WDFY4: variants seen among roughly 807,000 people sequenced by gnomAD.
The protein encoded by WDFY4 is WD repeat- and FYVE domain-containing protein 4.
WDFY4 carries 169 observed loss-of-function variants against 351.9 expected under a neutral mutation model. The observed-to-expected ratio is 0.48, with a 90% CI of 0.42 to 0.55. The LOEUF is 0.55. Ranked by LOEUF, WDFY4 falls within the 20% of genes least tolerant of loss-of-function variation. The probability of loss-of-function intolerance (pLI) is 0.00; values close to 1 mark genes in which losing one functional copy is unlikely to be tolerated. For synonymous variants in WDFY4, 1,622 were observed against 1,574.6 expected, an observed-to-expected ratio of 1.03 and a Z score of -0.71; for missense variants, 3,803 against 3,935.6, an observed-to-expected ratio of 0.97 and a Z score of 0.90.
chr10:48,743,122 T>C lies in WDFY4; in HGVS notation c.2033T>C (p.Leu678Pro). 1.9e-6 allele frequency: 3 copies of C among 1,551,724 alleles called. No homozygotes were observed. Among genetic ancestry groups the C allele is most frequent in the Non-Finnish European group, 2.6e-6 (3 of 1,146,994 alleles). Residue 678 changes from leucine (L) to proline (P), a missense_variant, in exon 12 of 62, where the codon CTG becomes CCG. By Grantham distance (98) the Leu-to-Pro change is moderately conservative (BLOSUM62 -3). This residue lies in a region of WDFY4 where 3,054 missense variants were observed against 3,148.6 expected (regional missense o/e 0.97). Transcript: ENST00000325239. ...AWGAVSPRQTLELVLYTLCAV... is the reference protein window; with the variant it reads ...AWGAVSPRQTPELVLYTLCAV... Reference sequence around the variant, plus strand: ...GGAGCAGTATCCCCCAGACAGACCCTGGAGCTGGTTTTGTACACTCTCTGT... The same window carrying C: ...GGAGCAGTATCCCCCAGACAGACCCCGGAGCTGGTTTTGTACACTCTCTGT...
rs537069521 is a variant in WDFY4 at position 48,959,521 on chromosome 10, C to A, written c.8132-201C>A. Among the ~76,000 whole-genome samples, 5 of 152,288 alleles carry A rather than the reference C, an allele frequency of 3.3e-5. No homozygotes were observed. In the East Asian group the frequency reaches 9.6e-4, roughly 29 times the overall value. On this transcript the variant is annotated intron_variant, in intron 52 of 61. Transcript: ENST00000325239. ...CTGCCTGGGAAGCAAGGAGGGCCTCCTGGAGGAGGCAAAGGCCTAGAAGCC... is the reference window on the plus strand; with the variant it reads ...CTGCCTGGGAAGCAAGGAGGGCCTCATGGAGGAGGCAAAGGCCTAGAAGCC...
intron 39 of WDFY4, among the ~76,000 whole-genome samples, chr10:48,835,416 A>G (rs1245553364): frequency 6.6e-6 from 1 of 152,208 alleles, no homozygotes; most frequent in Non-Finnish European, 1.5e-5. Flanking sequence ...CAGAGAGGAC[A>G]GTTGGGCAAT....
intron 1 of WDFY4, among the ~76,000 whole-genome samples, chr10:48,691,809 C>T (rs2063203491): frequency 6.6e-6 from 1 of 152,130 alleles, no homozygotes; most frequent in South Asian, 2.1e-4. Flanking sequence ...TGGAGGATGG[C>T]CAAAACATGT....
At chr10:48,894,429 C>T (rs1218440380) in intron 44 of WDFY4, among the ~76,000 whole-genome samples, 2 of 152,214 alleles carry the variant, frequency 1.3e-5, no homozygotes, top group Non-Finnish European at 2.9e-5. Context: ...GGTTTGAAAC[C>T]AAGTTTCACC....
At chr10:48,737,494 T>C (rs1052672392) in intron 11 of WDFY4, among the ~76,000 whole-genome samples, 2 of 152,250 alleles carry the variant, frequency 1.3e-5, no homozygotes, top group African/African-American at 4.8e-5. Flanking sequence ...TTTATTTCTC[T>C]GCACATTCGA....
intron 47 of WDFY4, among the ~76,000 whole-genome samples, chr10:48,920,243 C>T (rs573610375): frequency 2.6e-5 from 4 of 152,160 alleles, no homozygotes; most frequent in East Asian, 1.9e-4. Context: ...GGCTAAAGGA[C>T]GTCCACAAAA....
chr10:48,811,471 G>A, intron 29 of WDFY4, 68 bp from the exon 30 acceptor site: 1 of 1,448,030 alleles, frequency 6.9e-7, no homozygotes, highest in Middle Eastern at 1.8e-4. Context: ...TCCTTTGTGT[G>A]TCCAGGCCCC....
At chr10:48,814,958 A>G (rs973026266) in intron 31 of WDFY4, among the ~76,000 whole-genome samples, 1 of 152,228 alleles carries the variant, frequency 6.6e-6, no homozygotes, top group African/African-American at 2.4e-5. Context: ...AAAGTGAAAA[A>G]ACATGGTAAT....
chr10:48,845,905 G>A (rs1007348542), intron 39 of WDFY4, among the ~76,000 whole-genome samples: 2 of 152,170 alleles, frequency 1.3e-5, no homozygotes, highest in African/African-American at 4.8e-5. Context: ...AGGCAAGAGG[G>A]TACATGCATC....
At position 48,978,402 on chromosome 10, in the gene WDFY4, C is replaced by T. The variant is rs1174940188; in HGVS notation, c.9376+9C>T. ...GCCTCCAAGCCCAAGAGGTACCTGA[C>T]CTGCTAGGGATGTGGCCGTCCTGGC... On this transcript the variant is annotated intron_variant, in intron 60 of 61. Transcript: ENST00000325239. 2.6e-6 allele frequency: 4 copies of T among 1,548,620 alleles called. No homozygotes were observed. The East Asian group carries it at 7.3e-5, about 28-fold the overall frequency.
chr10:48,703,993 T>A (rs910458957), intron 1 of WDFY4, among the ~76,000 whole-genome samples: 2 of 152,080 alleles, frequency 1.3e-5, no homozygotes, highest in Non-Finnish European at 2.9e-5. Context: ...TCCCTCCCTC[T>A]TGGGTCCCTG....
intron 52 of WDFY4, 62 bp from the exon 53 acceptor site, chr10:48,959,660 A>G (rs1435287937): frequency 6.9e-7 from 1 of 1,451,674 alleles, no homozygotes; most frequent in Non-Finnish European, 9.5e-7. Context: ...TGTATTTTAC[A>G]TCCCCCAGTT....
intron 17 of WDFY4, among the ~76,000 whole-genome samples, chr10:48,777,948 A>G (rs2066088356): frequency 2.0e-5 from 3 of 152,338 alleles, no homozygotes; most frequent in East Asian, 1.9e-4. Context: ...AGATGGACAC[A>G]TTACCTGCCT....
Position 48,776,982 on chromosome 10 carries a change from T to C in WDFY4, c.3096T>C (p.Tyr1032=), listed in dbSNP as rs2066052190. ...AATTTGACATGTCCGTGGAAGGTTA[T>C]GGGTATGACAGGCTTTCACATATTT... The part of the protein sequence containing the change: ...FVEFDMSVEG[Y]GCLFIPTLST... Residue 1032 remains tyrosine (Y), a splice_region_variant and synonymous_variant, in exon 16 of 62, where the codon TAT becomes TAC. Transcript: ENST00000325239. 6.4e-7 allele frequency: 1 copy of C among 1,550,432 alleles called. No homozygotes were observed. The highest frequency in any genetic ancestry group is 8.7e-7 in the Non-Finnish European group (1 of 1,146,370).
At chr10:48,806,571 CT>C (rs1194042289) in intron 27 of WDFY4, among the ~76,000 whole-genome samples, 2 of 152,270 alleles carry the variant, frequency 1.3e-5, no homozygotes, top group African/African-American at 4.8e-5. Flanking sequence ...GATTAAGTCA[CT>C]TTCTCTGTGT....
intron 11 of WDFY4, chr10:48,736,356 G>C (rs939311780): frequency 1.7e-6 from 1 of 597,034 alleles, no homozygotes; most frequent in Admixed American, 3.0e-5. Flanking sequence ...CAAGGGAAGA[G>C]AGACCATGGG....
chr10:48,893,935 G>C (rs1371033190), intron 44 of WDFY4, among the ~76,000 whole-genome samples: 3 of 152,160 alleles, frequency 2.0e-5, no homozygotes, highest in Non-Finnish European at 2.9e-5. Context: ...TATGGTAATG[G>C]CTCTACCCAA....
intron 47 of WDFY4, among the ~76,000 whole-genome samples, chr10:48,922,582 T>C (rs1308465093): frequency 1.3e-5 from 2 of 152,206 alleles, no homozygotes. Context: ...AACTCGTAAA[T>C]TAAACTTTAT....
Position 48,826,845 on chromosome 10 carries a change from T to C in WDFY4, c.6157T>C (p.Tyr2053His), listed in dbSNP as rs117945816. The change falls in exon 36 of 62, where the codon TAC becomes CAC. Residue 2053 changes from tyrosine to histidine, a missense_variant. Tyr to His is a moderately conservative substitution (Grantham distance 83). This residue lies in a region of WDFY4 where 3,054 missense variants were observed against 3,148.6 expected (regional missense o/e 0.97). Transcript: ENST00000325239. ...GCACTGGGATGTTGTCTTTGCCACC[T>C]ACAATTCCAACATCAGCTTCCTCCT... is the stretch of plus-strand genomic sequence containing the variant. The part of the protein sequence containing the change: ...QEHWDVVFAT[Y>H]NSNISFLLCL... 5.2e-6 allele frequency: 8 copies of C among 1,551,862 alleles called. No individual in the cohort carries two copies. The highest frequency in any genetic ancestry group is 7.0e-6 in the Non-Finnish European group (8 of 1,147,024).
Sources: gnomAD v4.1 joint callset for allele counts (sites outside exome capture counted in the v4.1 genomes callset) on GRCh38, gnomAD v4.1.1 for gene constraint, gnomAD v4.1.1 regional missense constraint, MANE v1.5 for transcripts, NCBI Gene and HGNC (gene_info 2026-07-23, HGNC 2026-07-21) for gene names.